The following YARS1 variants were observed in gnomAD, a reference collection of about 807,000 sequenced individuals.
YARS1 encodes the protein tyrosine--tRNA ligase, cytoplasmic.
A neutral mutation model predicts 62.2 loss-of-function variants in YARS1; 36 were observed. The ratio of observed to expected loss-of-function variants is 0.58; its 90% CI spans 0.44 to 0.76. YARS1 has a LOEUF of 0.76. Among genes scored for constraint, YARS1 ranks in the 30% least tolerant of loss-of-function variants. YARS1 has a pLI of 0.00. For missense variants in YARS1, 524 were observed against 639.8 expected (o/e 0.82, Z 1.95); for synonymous variants, 234 against 244.9 (o/e 0.96, Z 0.42).
chr1:32,788,582 C>G (rs1296846530), intron 6 of YARS1, among the ~76,000 whole-genome samples: 4 of 151,968 alleles, frequency 2.6e-5, no homozygotes, highest in African/African-American at 9.7e-5. Context: ...CAGGCATGCA[C>G]CACCAAGCCC....
chr1:32,782,500 C>A lies in YARS1; in HGVS notation c.946G>T (p.Ala316Ser), dbSNP rs138454151. 4 of 1,613,916 alleles carry A rather than the reference C, an allele frequency of 2.5e-6. No individual in the cohort carries two copies. The South Asian group carries it at 3.3e-5, about 13-fold the overall frequency. The change falls in exon 9 of 13, where the codon GCA becomes TCA. Residue 316 changes from alanine (A) to serine (S), a missense_variant. Physicochemically the swap from Ala to Ser is moderately conservative, Grantham distance 99. Coordinates refer to ENST00000373477, the MANE Select transcript of YARS1 (RefSeq NM_003680.4). The stretch of plus-strand genomic sequence containing the variant: ...ATTGGATCCAGCAACTTGTTCAGTG[C>A]GACTTCAACAGAATTCTTCAGGTCT... Reference protein sequence around the residue: ...PGDLKNSVEVALNKLLDPIRE... With the variant: ...PGDLKNSVEVSLNKLLDPIRE...
intron 4 of YARS1, among the ~76,000 whole-genome samples, chr1:32,803,776 T>C (rs575995954): frequency 2.9e-4 from 44 of 151,806 alleles, no homozygotes; most frequent in African/African-American, 1.0e-3. Flanking sequence ...CATTCTTGGG[T>C]GTTTCTCGGA....
chr1:32,784,381 C>A (rs930995612), intron 8 of YARS1, among the ~76,000 whole-genome samples: 22 of 152,034 alleles, frequency 1.4e-4, no homozygotes, highest in Non-Finnish European at 2.8e-4. Flanking sequence ...TCACAAAACC[C>A]CCCATTTTAT....
Position 32,775,655 on chromosome 1 carries a change from T to C in YARS1, c.*326A>G. ...TCCAAGAAAACCTGGGCACCAGTAT[T>C]TTTCCAATTATAAGGACTGTGGCAT... On this transcript the variant is annotated 3_prime_UTR_variant, in exon 13 of 13. Coordinates refer to ENST00000373477, the MANE Select transcript of YARS1 (RefSeq NM_003680.4). The C allele has an allele frequency of 3.1e-6, 1 of 322,450 alleles. No individual in the cohort carries two copies. Among genetic ancestry groups the C allele is most frequent in the Non-Finnish European group, 5.8e-6 (1 of 171,152 alleles). 20.0% of individuals were successfully genotyped at this position (322,450 alleles called of 1,614,324 possible). A position where few individuals can be genotyped will look rare whatever the true frequency, so the allele number is the denominator to read the frequency against.
At chr1:32,817,081 C>G in intron 1 of YARS1, 107 bp downstream of exon 1, 1 of 1,414,170 alleles carries the variant, frequency 7.1e-7, no homozygotes, top group Non-Finnish European at 1.0e-6. Flanking sequence ...GCTGCGCCAG[C>G]GCCGAGTCCC....
At chr1:32,781,213 C>T (rs767245246) in intron 9 of YARS1, 68 bp from the exon 10 acceptor site, 38 of 1,212,032 alleles carry the variant, frequency 3.1e-5, no homozygotes, top group African/African-American at 2.4e-4. Context: ...GATCCCACCA[C>T]GTTAAGACAC....
At chr1:32,805,099 G>A (rs536866331) in intron 4 of YARS1, among the ~76,000 whole-genome samples, 238 of 152,108 alleles carry the variant, frequency 1.6e-3, no homozygotes, top group African/African-American at 5.4e-3. Flanking sequence ...GTGGCGGCAC[G>A]CGCCTGCAAT....
rs755856720 is a variant in YARS1, at chr1:32,786,953, A to G, written c.807T>C (p.Phe269=). 5.0e-6 allele frequency: 8 copies of G among 1,613,672 alleles called. No homozygotes were observed. The Admixed American group carries it at 1.0e-4, about 20-fold the overall frequency. ...GVLSFIKHVL[F]PLKSEFVILR... ...AGAGAGTGTTACCGGACTTAAGGGG[A>G]AAAAGGACATGCTTGATGAAGGACA... The change falls in exon 7 of 13, where the codon TTT becomes TTC. Residue 269 remains phenylalanine, a synonymous_variant. Coordinates refer to ENST00000373477, the MANE Select transcript of YARS1 (RefSeq NM_003680.4).
At chr1:32,779,995 AC>A in intron 11 of YARS1, 89 bp downstream of exon 11, 1 of 1,506,356 alleles carries the variant, frequency 6.6e-7, no homozygotes, top group Non-Finnish European at 9.2e-7. Context: ...CAGAGCTTCC[AC>A]CTGGTGTGTG....
At chr1:32,781,851 T>A (rs1260781874) in intron 9 of YARS1, 1 of 164,342 alleles carries the variant, frequency 6.1e-6, no homozygotes, top group African/African-American at 2.4e-5. Context: ...CTCACTCTGT[T>A]GCCCAGGCTG....
At position 32,779,417 on chromosome 1, in the gene YARS1, G is replaced by A; in HGVS notation, c.1441C>T (p.Leu481Phe). 6.2e-7 allele frequency: 1 copy of A among 1,614,228 alleles called. No individual in the cohort carries two copies. The highest frequency in any genetic ancestry group is 1.1e-5 in the South Asian group (1 of 91,090). Residue 481 changes from leucine (L) to phenylalanine (F), a missense_variant, in exon 12 of 13, where the codon CTC (leucine) becomes TTC (phenylalanine). Physicochemically the swap from Leu to Phe is conservative, Grantham distance 22. Coordinates refer to ENST00000373477, the MANE Select transcript of YARS1 (RefSeq NM_003680.4). ...GYEKGQPDEE[L>F]KPKKKVFEKL... is the part of the protein sequence containing the mutation. ...TCGAAGACTTTCTTCTTGGGCTTGA[G>A]CTCCTCATCTGGTTGGCCCTTTTCA...
At chr1:32,788,839 T>C (rs951039840) in intron 6 of YARS1, among the ~76,000 whole-genome samples, 3 of 152,276 alleles carry the variant, frequency 2.0e-5, no homozygotes, top group Non-Finnish European at 2.9e-5. Flanking sequence ...AGTGTTGGGA[T>C]TGATAGGATC....
At chr1:32,781,489 C>A (rs373547441) in intron 9 of YARS1, 12 of 299,472 alleles carry the variant, frequency 4.0e-5, no homozygotes, top group Non-Finnish European at 7.1e-5. Flanking sequence ...GAGGCTGAGA[C>A]GGGAGGATTG....
At chr1:32,793,111 A>C (rs966628104) in intron 5 of YARS1, among the ~76,000 whole-genome samples, 1 of 152,142 alleles carries the variant, frequency 6.6e-6, no homozygotes, top group Admixed American at 6.5e-5. Flanking sequence ...AAACTTGAAG[A>C]AAGTTCAATA....
chr1:32,786,749 G>C (rs1195910405), intron 7 of YARS1, 191 bp downstream of exon 7: 3 of 861,234 alleles, frequency 3.5e-6, no homozygotes, highest in Non-Finnish European at 5.2e-6. Context: ...TCAGAACCTA[G>C]CCTGGTAACG....
chr1:32,786,266 T>C, intron 8 of YARS1, 96 bp downstream of exon 8: 3 of 1,270,890 alleles, frequency 2.4e-6, no homozygotes, highest in Non-Finnish European at 3.4e-6. Flanking sequence ...AGCTCACTTT[T>C]ACACAGAACA....
At chr1:32,785,663 A>C (rs1653201474) in intron 8 of YARS1, among the ~76,000 whole-genome samples, 1 of 148,126 alleles carries the variant, frequency 6.8e-6, no homozygotes, top group Non-Finnish European at 1.5e-5. Flanking sequence ...GTTCACTGCA[A>C]CCTCCGACTC....
Position 32,779,423 on chromosome 1 carries a change from C to G in YARS1, c.1435G>C (p.Glu479Gln). 6.2e-7 allele frequency: 1 copy of G among 1,614,250 alleles called. No individual in the cohort carries two copies. Among genetic ancestry groups the G allele is most frequent in the Non-Finnish European group, 8.5e-7 (1 of 1,180,042 alleles). Residue 479 changes from glutamate to glutamine, a missense_variant, in exon 12 of 13, where the codon GAG (glutamate) becomes CAG (glutamine). Glu to Gln is a conservative substitution (Grantham distance 29). Coordinates refer to ENST00000373477, the MANE Select transcript of YARS1 (RefSeq NM_003680.4). Reference sequence around the variant, plus strand: ...ACTTTCTTCTTGGGCTTGAGCTCCTCATCTGGTTGGCCCTTTTCATAGCCC... The same window carrying G: ...ACTTTCTTCTTGGGCTTGAGCTCCTGATCTGGTTGGCCCTTTTCATAGCCC... ...VKGYEKGQPD[E>Q]ELKPKKKVFE...
chr1:32,786,891 A>G (rs1198467839), intron 7 of YARS1, 49 bp downstream of exon 7: 1 of 1,613,030 alleles, frequency 6.2e-7, no homozygotes, highest in Admixed American at 1.7e-5. Flanking sequence ...TCACAGCACG[A>G]ACTTTTCTAT....
Sources: allele counts gnomAD v4.1 joint callset (sites outside exome capture counted in the v4.1 genomes callset), GRCh38; gene constraint gnomAD v4.1.1; transcripts MANE v1.5; gene names NCBI Gene and HGNC (gene_info 2026-07-23, HGNC 2026-07-21).